The following EPHB1 variants were observed in gnomAD, a reference collection of about 807,000 sequenced individuals.
EPHB1 encodes the protein ephrin type-B receptor 1.
A neutral mutation model predicts 94.4 loss-of-function variants in EPHB1; 30 were observed. The ratio of observed to expected loss-of-function variants is 0.32; its 90% confidence interval spans 0.24 to 0.43. The LOEUF is 0.43. Among genes scored for constraint, EPHB1 ranks in the 20% least tolerant of loss-of-function variants. EPHB1 has a pLI of 1.00. For synonymous variants in EPHB1, 522 were observed against 489.1 expected, an observed-to-expected ratio of 1.07 and a Z score of -0.89; for missense variants, 1,055 against 1,308.3, an observed-to-expected ratio of 0.81 and a Z score of 2.99.
intron 3 of EPHB1, among the ~76,000 whole-genome samples, chr3:134,998,462 GT>G (rs1334399351): frequency 2.6e-5 from 4 of 152,172 alleles, no homozygotes; most frequent in Non-Finnish European, 1.5e-5. Context: ...TGCAATCTCT[GT>G]TTTAGGCAGT....
intron 3 of EPHB1, among the ~76,000 whole-genome samples, chr3:134,960,790 C>T (rs571740559): frequency 6.6e-6 from 1 of 152,286 alleles, no homozygotes; most frequent in East Asian, 1.9e-4. Context: ...CAAACCCAGC[C>T]CTGATGAATC....
At chr3:134,959,936 C>A (rs1041426071) in intron 3 of EPHB1, among the ~76,000 whole-genome samples, 2 of 141,868 alleles carry the variant, frequency 1.4e-5, no homozygotes, top group Non-Finnish European at 3.0e-5. Context: ...ACAGTCCCTT[C>A]CTGCAGAATT....
chr3:135,066,902 C>T (rs1376163006), intron 3 of EPHB1, among the ~76,000 whole-genome samples: 1 of 152,134 alleles, frequency 6.6e-6, no homozygotes, highest in Non-Finnish European at 1.5e-5. Context: ...TAGTACTCTC[C>T]CCCTTTTCCT....
intron 3 of EPHB1, among the ~76,000 whole-genome samples, chr3:135,065,257 G>A (rs563488204): frequency 6.6e-6 from 1 of 152,222 alleles, no homozygotes; most frequent in South Asian, 2.1e-4. Flanking sequence ...TTGTTTCTTT[G>A]TTGACTTTCT....
intron 3 of EPHB1, among the ~76,000 whole-genome samples, chr3:135,022,755 T>A (rs1936027840): frequency 6.6e-6 from 1 of 152,238 alleles, no homozygotes; most frequent in Non-Finnish European, 1.5e-5. Context: ...ATTCTCATTA[T>A]TTATAACAAT....
intron 3 of EPHB1, among the ~76,000 whole-genome samples, chr3:135,053,056 A>AT (rs1937239893): frequency 1.4e-5 from 1 of 70,070 alleles, no homozygotes; most frequent in South Asian, 4.6e-4. Context: ...TATATATATA[A>AT]AGTTGGTGTG....
At chr3:135,036,831 G>A (rs1039337003) in intron 3 of EPHB1, among the ~76,000 whole-genome samples, 1 of 152,206 alleles carries the variant, frequency 6.6e-6, no homozygotes, top group African/African-American at 2.4e-5. Flanking sequence ...GCACTGGACT[G>A]ATGTGACTGG....
intron 12 of EPHB1, among the ~76,000 whole-genome samples, chr3:135,236,528 A>C (rs1365278098): frequency 6.6e-5 from 10 of 152,166 alleles, no homozygotes; most frequent in Admixed American, 6.5e-4. Context: ...ATAAGAATAT[A>C]TTGTGTGGTT....
chr3:134,846,015 G>A (rs1010936883), intron 1 of EPHB1, among the ~76,000 whole-genome samples: 1 of 152,088 alleles, frequency 6.6e-6, no homozygotes, highest in Admixed American at 6.5e-5. Context: ...GACTGCAGAG[G>A]GTCTTCTAAG....
intron 10 of EPHB1, among the ~76,000 whole-genome samples, chr3:135,190,369 C>T (rs1199047018): frequency 6.6e-6 from 1 of 152,108 alleles, no homozygotes; most frequent in African/African-American, 2.4e-5. Flanking sequence ...GAAAATAGAG[C>T]CCATTATTAT....
rs182889023 is a variant in EPHB1 at position 134,806,456 on chromosome 3, T to C, written c.58+10767T>C. Among the ~76,000 whole-genome samples, 715 of 152,318 alleles carry C rather than the reference T, an allele frequency of 4.7e-3. 6 individuals are homozygous for C. Among genetic ancestry groups the C allele is most frequent in the African/African-American group, 0.016 (685 of 41,574 alleles). On this transcript the variant is annotated intron_variant, in intron 1 of 15. Transcript: ENST00000398015. ...AAGTGTGAATGAAAAAGTCTTCAGT[T>C]TGTTGCAACCCCATCCTTCCAGGCA...
At chr3:134,909,216 A>G (rs1446349279) in intron 1 of EPHB1, among the ~76,000 whole-genome samples, 2 of 152,072 alleles carry the variant, frequency 1.3e-5, no homozygotes, top group Non-Finnish European at 2.9e-5. Context: ...AAGGGATGCC[A>G]TGGAGAAAGG....
chr3:134,946,500 G>A (rs1170384553), intron 2 of EPHB1, among the ~76,000 whole-genome samples: 2 of 152,120 alleles, frequency 1.3e-5, no homozygotes, highest in African/African-American at 2.4e-5. Flanking sequence ...CTCCCAGAAG[G>A]TGCATACTTC....
At chr3:135,099,383 G>A (rs1263683235) in intron 3 of EPHB1, among the ~76,000 whole-genome samples, 1 of 152,168 alleles carries the variant, frequency 6.6e-6, no homozygotes, top group East Asian at 1.9e-4. Flanking sequence ...ATGGATGGGT[G>A]CTTGGGAAAT....
intron 4 of EPHB1, among the ~76,000 whole-genome samples, chr3:135,126,130 C>T (rs999797946): frequency 7.2e-5 from 11 of 152,206 alleles, no homozygotes; most frequent in Non-Finnish European, 1.3e-4. Context: ...TGGTCACCCT[C>T]TCTACCACCT....
In EPHB1 at chr3:135,132,732, G is replaced by A. The variant is rs747682274; in HGVS notation, c.980G>A (p.Arg327His). Reference protein sequence around the residue: ...VACTSVPSGPRNVISIVNETS... With the variant: ...VACTSVPSGPHNVISIVNETS... ...CCTGCAGGCGTCCCATCAGGTCCCC[G>A]CAATGTTATCTCCATCGTCAATGAG... Residue 327 changes from arginine (R) to histidine (H), a missense_variant, in exon 5 of 16, where the codon CGC (arginine) becomes CAC (histidine). By Grantham distance (29) the Arg-to-His change is conservative. Coordinates refer to ENST00000398015, the MANE Select transcript of EPHB1 (RefSeq NM_004441.5). 38 of 1,596,372 alleles carry A rather than the reference G, an allele frequency of 2.4e-5. No individual in the cohort carries two copies. The Admixed American group carries it at 2.5e-4, about 11-fold the overall frequency.
At chr3:135,186,472 A>C (rs1277714845) in intron 10 of EPHB1, among the ~76,000 whole-genome samples, 2 of 152,270 alleles carry the variant, frequency 1.3e-5, no homozygotes, top group Non-Finnish European at 1.5e-5. Flanking sequence ...ATGCTTTAAA[A>C]CCTAGTTTAA....
chr3:134,948,058 T>G (rs1224606785), intron 2 of EPHB1, among the ~76,000 whole-genome samples: 1 of 152,166 alleles, frequency 6.6e-6, no homozygotes. Context: ...CCTTCCAAAG[T>G]GCTAGAATTA....
chr3:134,854,833 A>G (rs2037076649), intron 1 of EPHB1, among the ~76,000 whole-genome samples: 1 of 152,204 alleles, frequency 6.6e-6, no homozygotes, highest in Admixed American at 6.5e-5. Context: ...TTTTCTTTAG[A>G]GAATTTTTGT....
Sources: allele counts gnomAD v4.1 joint callset (sites outside exome capture counted in the v4.1 genomes callset), GRCh38; gene constraint gnomAD v4.1.1; transcripts MANE v1.5; gene names NCBI Gene and HGNC (gene_info 2026-07-23, HGNC 2026-07-21).